GJC1: variants seen among roughly 807,000 people sequenced by gnomAD.
The protein encoded by GJC1 is gap junction gamma-1 protein.
GJC1 carries 5 observed loss-of-function variants against 29.3 expected under a neutral mutation model. The ratio of observed to expected loss-of-function variants is 0.17; its 90% confidence interval spans 0.09 to 0.36. The LOEUF is 0.36. Ranked by LOEUF, GJC1 falls within the 10% of genes least tolerant of loss-of-function variation. The pLI is 1.00. For synonymous variants in GJC1, 177 were observed against 183.3 expected, an observed-to-expected ratio of 0.97 and a Z score of 0.28; for missense variants, 310 against 496.2, an observed-to-expected ratio of 0.62 and a Z score of 3.56.
chr17:44,829,076 A>T lies in GJC1; in HGVS notation c.-97+986T>A, dbSNP rs529873395. 2.0e-5 allele frequency among the ~76,000 whole-genome samples: 3 copies of T among 151,454 alleles called. No individual in the cohort carries two copies. In the South Asian group the frequency reaches 6.3e-4, roughly 32 times the overall value. On this transcript the variant is annotated intron_variant, in intron 1 of 2. Transcript: ENST00000592524. Reference sequence around the variant, plus strand: ...ACAAGATGACCCTCAGCCTGAACTTATTCAAACTTAACTTACTCGATTTCA... The same window carrying T: ...ACAAGATGACCCTCAGCCTGAACTTTTTCAAACTTAACTTACTCGATTTCA...
intron 1 of GJC1, among the ~76,000 whole-genome samples, chr17:44,808,088 G>T (rs942351000): frequency 2.0e-5 from 3 of 152,124 alleles, no homozygotes; most frequent in African/African-American, 7.2e-5. Flanking sequence ...ATTAAGCTCT[G>T]GCAACTCTGC....
At chr17:44,824,133 GAGT>G (rs1400859108) in intron 1 of GJC1, among the ~76,000 whole-genome samples, 1 of 151,790 alleles carries the variant, frequency 6.6e-6, no homozygotes, top group African/African-American at 2.4e-5. Flanking sequence ...TCAGCCTCCA[GAGT>G]AGTTGGGATT....
chr17:44,815,769 CT>C (rs1253736456), intron 1 of GJC1, among the ~76,000 whole-genome samples: 9 of 144,016 alleles, frequency 6.2e-5, no homozygotes, highest in African/African-American at 2.3e-4. Flanking sequence ...TACTGACTTC[CT>C]TCAAATTTTA....
chr17:44,795,696 T>C (rs1356275810), downstream of GJC1, among the ~76,000 whole-genome samples: 6 of 152,188 alleles, frequency 3.9e-5, no homozygotes, highest in Non-Finnish European at 5.9e-5. Flanking sequence ...CCCAAGACAG[T>C]GTCCAGGGGT....
At chr17:44,806,103 G>A (rs185303654) in intron 2 of GJC1, among the ~76,000 whole-genome samples, 6 of 152,112 alleles carry the variant, frequency 3.9e-5, no homozygotes, top group Admixed American at 2.6e-4. Context: ...GTGAAACTCC[G>A]TCTCTACAAA....
At chr17:44,818,952 A>T (rs960451716) in intron 1 of GJC1, among the ~76,000 whole-genome samples, 1 of 152,128 alleles carries the variant, frequency 6.6e-6, no homozygotes, top group Non-Finnish European at 1.5e-5. Flanking sequence ...TATTTAAAAA[A>T]AGAAAACAAA....
At chr17:44,828,590 T>A (rs1192981068) in intron 1 of GJC1, among the ~76,000 whole-genome samples, 1 of 152,242 alleles carries the variant, frequency 6.6e-6, no homozygotes. Context: ...ATCTGTTTAT[T>A]GGAGCTTTTT....
At chr17:44,821,716 A>C (rs1395387179) in intron 1 of GJC1, among the ~76,000 whole-genome samples, 4 of 147,768 alleles carry the variant, frequency 2.7e-5, no homozygotes, top group African/African-American at 7.6e-5. Flanking sequence ...AAAAAAAAAA[A>C]AAAAAAAAAC....
rs574318758 is a variant in GJC1, at chr17:44,799,673, C to G, written c.*4954G>C. 1.3e-5 allele frequency: 2 copies of G among 152,424 alleles called. No homozygotes were observed. The highest frequency in any genetic ancestry group is 3.9e-4 in the East Asian group (2 of 5,190). The allele number at this position is 152,424 out of a possible 1,614,324, so 9.4% of individuals were successfully genotyped here. On this transcript the variant is annotated 3_prime_UTR_variant, in exon 3 of 3. Coordinates refer to ENST00000592524, the MANE Select transcript of GJC1 (RefSeq NM_005497.4). ...GTGGCTTATGCCTGTAATCCCAGCA[C>G]CTTCGGAGGCTGTGATGGGAGGATT...
At chr17:44,816,338 T>C (rs1302958638) in intron 1 of GJC1, among the ~76,000 whole-genome samples, 3 of 152,090 alleles carry the variant, frequency 2.0e-5, no homozygotes, top group African/African-American at 7.2e-5. Flanking sequence ...ATCTACCTTG[T>C]CTTACACTAG....
chr17:44,811,393 T>TTC (rs1555558142), intron 1 of GJC1, among the ~76,000 whole-genome samples: 3 of 146,984 alleles, frequency 2.0e-5, no homozygotes, highest in African/African-American at 5.2e-5. Context: ...TTTTTCTTTT[T>TTC]TTTTTTTTTT....
At chr17:44,822,178 C>T (rs770993148) in intron 1 of GJC1, among the ~76,000 whole-genome samples, 73 of 103,790 alleles carry the variant, frequency 7.0e-4, no homozygotes, top group Non-Finnish European at 1.0e-3. Context: ...GCCTGGGAGA[C>T]AGATCGAGAC....
chr17:44,830,087 C>T lies in GJC1; in HGVS notation c.-122G>A, dbSNP rs1363284475. On this transcript the variant is annotated 5_prime_UTR_variant, in exon 1 of 3. Coordinates refer to ENST00000592524, the MANE Select transcript of GJC1 (RefSeq NM_005497.4). The surrounding 1 kb of genome is among the most constrained non-coding windows in gnomAD (Gnocchi z 4.3). ...CCGGCGGCGGGTTCCCCCGGAGCCG[C>T]CTCCTCCGCCGGGCCTCGGCCCGTC... The T allele has an allele frequency of 6.6e-6, 1 of 152,570 alleles. No homozygotes were observed. The highest frequency in any genetic ancestry group is 2.4e-5 in the African/African-American group (1 of 41,418). The allele number at this position is 152,570 out of a possible 1,614,324, so 9.5% of individuals were successfully genotyped here.
rs1218708709 is a variant in GJC1 at position 44,804,077 on chromosome 17, A to G, written c.*550T>C. The G allele has an allele frequency of 6.6e-6, 1 of 152,232 alleles. No individual in the cohort carries two copies. The highest frequency in any genetic ancestry group is 1.5e-5 in the Non-Finnish European group (1 of 68,058). 9.4% of individuals were successfully genotyped at this position (152,232 alleles called of 1,614,324 possible). A position where few individuals can be genotyped will look rare whatever the true frequency, so the allele number is the denominator to read the frequency against. On this transcript the variant is annotated 3_prime_UTR_variant, in exon 3 of 3. Coordinates refer to ENST00000592524, the MANE Select transcript of GJC1 (RefSeq NM_005497.4). The stretch of plus-strand genomic sequence containing the variant: ...TTGCTTTCCAAGACTAAAAACTGGT[A>G]TCTCCTCTTCAGTCTCCTTACACAT...
rs1001710575 is a variant in GJC1 at position 44,801,004 on chromosome 17, G to C, written c.*3623C>G. On this transcript the variant is annotated 3_prime_UTR_variant, in exon 3 of 3. Coordinates refer to ENST00000592524, the MANE Select transcript of GJC1 (RefSeq NM_005497.4). Reference sequence around the variant, plus strand: ...CGGGTTTTAAGAGCAGGCCAGGCGCGGTGGCTCACGCCTGTAATCACAGCA... The same window carrying C: ...CGGGTTTTAAGAGCAGGCCAGGCGCCGTGGCTCACGCCTGTAATCACAGCA... 6.6e-6 allele frequency: 1 copy of C among 151,878 alleles called. No individual in the cohort carries two copies. Among genetic ancestry groups the C allele is most frequent in the Non-Finnish European group, 1.5e-5 (1 of 67,988 alleles). The allele number at this position is 151,878 out of a possible 1,614,324, so 9.4% of individuals were successfully genotyped here. A position where few individuals can be genotyped will look rare whatever the true frequency, so the allele number is the denominator to read the frequency against.
At chr17:44,811,129 G>A (rs1343224879) in intron 1 of GJC1, among the ~76,000 whole-genome samples, 3 of 151,666 alleles carry the variant, frequency 2.0e-5, no homozygotes, top group Admixed American at 6.6e-5. Flanking sequence ...CCAAGCTGGA[G>A]GGAGTGCAAT....
rs1431874657 is a variant in GJC1, at chr17:44,801,242, C to G, written c.*3385G>C. Reference sequence around the variant, plus strand: ...GAGGTTGCAGTGAGCCGAAATCACACCACTGCACTCCAGCCTGAGCGACAA... The same window carrying G: ...GAGGTTGCAGTGAGCCGAAATCACAGCACTGCACTCCAGCCTGAGCGACAA... On this transcript the variant is annotated 3_prime_UTR_variant, in exon 3 of 3. Coordinates refer to ENST00000592524, the MANE Select transcript of GJC1 (RefSeq NM_005497.4). 7 of 152,220 alleles carry G rather than the reference C, an allele frequency of 4.6e-5. No individual in the cohort carries two copies. Among genetic ancestry groups the G allele is most frequent in the Non-Finnish European group, 1.5e-5 (1 of 68,100 alleles). 9.4% of individuals were successfully genotyped at this position (152,220 alleles called of 1,614,324 possible).
rs150025730 is a variant in GJC1 at position 44,801,334 on chromosome 17, G to A, written c.*3293C>T. 6.6e-6 allele frequency: 1 copy of A among 152,292 alleles called. No homozygotes were observed. Among genetic ancestry groups the A allele is most frequent in the African/African-American group, 2.4e-5 (1 of 41,564 alleles). The allele number at this position is 152,292 out of a possible 1,614,324, so 9.4% of individuals were successfully genotyped here. A position where few individuals can be genotyped will look rare whatever the true frequency, so the allele number is the denominator to read the frequency against. Reference sequence around the variant, plus strand: ...ACCACATCTGCATAAATCCAAGTGTGTTAAGGAACATAATCATGTTGATTG... The same window carrying A: ...ACCACATCTGCATAAATCCAAGTGTATTAAGGAACATAATCATGTTGATTG... On this transcript the variant is annotated 3_prime_UTR_variant, in exon 3 of 3. Transcript: ENST00000592524.
At chr17:44,811,840 C>A (rs1045072455) in intron 1 of GJC1, among the ~76,000 whole-genome samples, 2 of 151,818 alleles carry the variant, frequency 1.3e-5, no homozygotes, top group African/African-American at 2.4e-5. Flanking sequence ...CCCGTCTCTA[C>A]TAAAAATACA....
Sources: gnomAD v4.1 joint callset for allele counts (sites outside exome capture counted in the v4.1 genomes callset) on GRCh38, gnomAD v4.1.1 for gene constraint, Gnocchi (gnomAD v3.1) non-coding constraint, MANE v1.5 for transcripts, NCBI Gene and HGNC (gene_info 2026-07-23, HGNC 2026-07-21) for gene names.